OR9Q1: variants seen among roughly 807,000 people sequenced by gnomAD.
The protein encoded by OR9Q1 is olfactory receptor family 9 subfamily Q member 1, also known as olfactory receptor 9Q1.
For synonymous variants in OR9Q1, 153 were observed against 148.6 expected (o/e 1.03, Z -0.22); for missense variants, 374 against 378.8 (o/e 0.99, Z 0.11).
At chr11:58,050,577 C>A (rs1335797576) in intron 1 of OR9Q1, among the ~76,000 whole-genome samples, 3 of 115,712 alleles carry the variant, frequency 2.6e-5, no homozygotes, top group African/African-American at 9.4e-5. Context: ...GCAATGGCAA[C>A]AAAAGCCAAA....
rs141178751 is a variant in OR9Q1 at position 58,031,391 on chromosome 11, C to T, written c.-93+7287C>T. On this transcript the variant is annotated intron_variant, in intron 1 of 2. Transcript: ENST00000335397. ...TTTTGTGTCCTGGGGCACCTGCATCCGTCTGGCAGCTGCCTGTTGGCTGGT... is the reference window on the plus strand; with the variant it reads ...TTTTGTGTCCTGGGGCACCTGCATCTGTCTGGCAGCTGCCTGTTGGCTGGT... 368 of 1,614,184 alleles carry T rather than the reference C, an allele frequency of 2.3e-4. No homozygotes were observed. The African/African-American group carries it at 3.8e-3, about 17-fold the overall frequency.
intron 2 of OR9Q1, among the ~76,000 whole-genome samples, chr11:58,108,036 A>G (rs1853859440): frequency 1.3e-5 from 2 of 152,182 alleles, no homozygotes; most frequent in African/African-American, 2.4e-5. Flanking sequence ...GAGGAGAAAA[A>G]AAGAAATTGG....
chr11:58,065,465 G>C (rs1044133645), intron 2 of OR9Q1, among the ~76,000 whole-genome samples: 3 of 152,176 alleles, frequency 2.0e-5, no homozygotes, highest in African/African-American at 7.2e-5. Context: ...TAGGAGTCTA[G>C]CTAAATACTT....
chr11:58,107,876 A>G (rs1021474177), intron 2 of OR9Q1, among the ~76,000 whole-genome samples: 1 of 152,206 alleles, frequency 6.6e-6, no homozygotes, highest in Admixed American at 6.5e-5. Context: ...GATGTGGACA[A>G]TAATTACTTC....
intron 1 of OR9Q1, among the ~76,000 whole-genome samples, chr11:58,029,671 C>G (rs1015687181): frequency 2.0e-5 from 3 of 152,132 alleles, no homozygotes; most frequent in Admixed American, 2.0e-4. Context: ...TCACATATTT[C>G]AAGTTGATAT....
intron 2 of OR9Q1, chr11:58,117,046 T>C (rs1408011102): frequency 6.6e-6 from 1 of 152,254 alleles, no homozygotes; most frequent in Admixed American, 6.5e-5. Flanking sequence ...CATTGACTTT[T>C]ATCATCATTG....
chr11:58,175,661 G>A lies in OR9Q1; in HGVS notation c.-14-3770G>A, dbSNP rs186380333. Among the ~76,000 whole-genome samples, 31 of 152,208 alleles carry A rather than the reference G, an allele frequency of 2.0e-4. No individual in the cohort carries two copies. The East Asian group carries it at 6.0e-3, about 29-fold the overall frequency. Reference sequence around the variant, plus strand: ...TTAGGCTGCATGTTCCTCATAGGTAGGCATTGTGGTTTTTTTTTGTTTCAT... The same window carrying A: ...TTAGGCTGCATGTTCCTCATAGGTAAGCATTGTGGTTTTTTTTTGTTTCAT... On this transcript the variant is annotated intron_variant, in intron 2 of 2. Coordinates refer to ENST00000335397, the MANE Select transcript of OR9Q1 (RefSeq NM_001005212.4).
intron 2 of OR9Q1, among the ~76,000 whole-genome samples, chr11:58,079,710 G>A (rs1853571077): frequency 6.6e-6 from 1 of 152,272 alleles, no homozygotes; most frequent in Non-Finnish European, 1.5e-5. Context: ...CTGGAGAACA[G>A]GAAACCATGA....
At chr11:58,115,976 A>G (rs990150548) in intron 2 of OR9Q1, among the ~76,000 whole-genome samples, 1 of 152,170 alleles carries the variant, frequency 6.6e-6, no homozygotes, top group East Asian at 1.9e-4. Flanking sequence ...TCATATGTGT[A>G]TATATCCCTA....
intron 2 of OR9Q1, among the ~76,000 whole-genome samples, chr11:58,091,691 A>C (rs1853685740): frequency 6.6e-6 from 1 of 152,008 alleles, no homozygotes; most frequent in African/African-American, 2.4e-5. Flanking sequence ...TCAAGTCCTA[A>C]GTATTCTTGT....
chr11:58,145,566 T>C (rs559677583), intron 2 of OR9Q1, among the ~76,000 whole-genome samples: 2 of 152,248 alleles, frequency 1.3e-5, no homozygotes, highest in East Asian at 3.9e-4. Context: ...AGTACTTTCT[T>C]TATTGGCTTT....
chr11:58,080,167 A>G (rs1183128895), intron 2 of OR9Q1, among the ~76,000 whole-genome samples: 1 of 152,080 alleles, frequency 6.6e-6, no homozygotes, highest in Non-Finnish European at 1.5e-5. Flanking sequence ...AGTAGTCTGC[A>G]GTGTCTATTG....
In OR9Q1 at chr11:58,157,555, A is replaced by T. The variant is rs189896951; in HGVS notation, c.-14-21876A>T. Among the ~76,000 whole-genome samples, 318 of 152,248 alleles carry T rather than the reference A, an allele frequency of 2.1e-3. 1 individual carries two copies. The highest frequency in any genetic ancestry group is 7.3e-3 in the African/African-American group (305 of 41,526). Reference sequence around the variant, plus strand: ...AAGGAAGAAAAGAAGGAAGGAAAAGACAGAGGAAGGAAGGAAGGAAGGAAG... The same window carrying T: ...AAGGAAGAAAAGAAGGAAGGAAAAGTCAGAGGAAGGAAGGAAGGAAGGAAG... On this transcript the variant is annotated intron_variant, in intron 2 of 2. Transcript: ENST00000335397.
intron 2 of OR9Q1, among the ~76,000 whole-genome samples, chr11:58,154,098 G>C (rs1854380795): frequency 6.6e-6 from 1 of 151,404 alleles, no homozygotes; most frequent in African/African-American, 2.4e-5. Context: ...GAAGAAGAAG[G>C]GGAGGAGGAA....
rs117252230 is a variant in OR9Q1, at chr11:58,167,630, C to T, written c.-14-11801C>T. Among the ~76,000 whole-genome samples the T allele has an allele frequency of 4.0e-3, 606 of 152,296 alleles. 1 individual carries two copies. The highest frequency in any genetic ancestry group is 7.0e-3 in the Non-Finnish European group (476 of 68,028). On this transcript the variant is annotated intron_variant, in intron 2 of 2. Coordinates refer to ENST00000335397, the MANE Select transcript of OR9Q1 (RefSeq NM_001005212.4). Reference sequence around the variant, plus strand: ...GCTTCTGGTTTTAGCTGGGTAGGCTCATGCATCTACGGTCAATTGTGGATC... The same window carrying T: ...GCTTCTGGTTTTAGCTGGGTAGGCTTATGCATCTACGGTCAATTGTGGATC...
chr11:58,133,687 G>C (rs1436651590), intron 2 of OR9Q1, among the ~76,000 whole-genome samples: 1 of 152,160 alleles, frequency 6.6e-6, no homozygotes, highest in Non-Finnish European at 1.5e-5. Context: ...CATGTAATTA[G>C]TTACATTGAG....
intron 1 of OR9Q1, among the ~76,000 whole-genome samples, chr11:58,053,988 C>G (rs2119976191): frequency 6.6e-6 from 1 of 152,148 alleles, no homozygotes. Flanking sequence ...CTTATTTCCC[C>G]TCACCCTCCC....
chr11:58,157,122 CCTT>C (rs1854415155), intron 2 of OR9Q1, among the ~76,000 whole-genome samples: 2 of 152,144 alleles, frequency 1.3e-5, no homozygotes, highest in South Asian at 4.1e-4. Context: ...ACCATACTCT[CCTT>C]AGCCCTGCCC....
At chr11:58,113,422 G>A (rs1423763959) in intron 2 of OR9Q1, among the ~76,000 whole-genome samples, 2 of 152,150 alleles carry the variant, frequency 1.3e-5, no homozygotes, top group East Asian at 1.9e-4. Context: ...GACCATGGGG[G>A]TGGGAGGACT....
Sources: gnomAD v4.1 joint callset for allele counts (sites outside exome capture counted in the v4.1 genomes callset) on GRCh38, gnomAD v4.1.1 for gene constraint, MANE v1.5 for transcripts, NCBI Gene and HGNC (gene_info 2026-07-23, HGNC 2026-07-21) for gene names.